The following TYW1B variants were observed in gnomAD, a reference collection of about 807,000 sequenced individuals.
TYW1B encodes tRNA-yW synthesizing protein 1 homolog B.
Under a neutral mutation model 86.9 loss-of-function variants are expected in TYW1B, and 73 were observed. That is an observed-to-expected ratio of 0.84 (90% CI 0.70 to 1.02). The LOEUF is 1.02. Ranked by LOEUF, TYW1B falls within the 50% of genes least tolerant of loss-of-function variation. The pLI is 0.00. For missense variants in TYW1B, 637 were observed against 827.4 expected (o/e 0.77, Z 2.82); for synonymous variants, 248 against 292.8 (o/e 0.85, Z 1.56).
At chr7:72,702,971 C>CATCT (rs1319459867) in intron 10 of TYW1B, among the ~76,000 whole-genome samples, 63 of 37,734 alleles carry the variant, frequency 1.7e-3, no homozygotes, top group East Asian at 4.9e-3. Flanking sequence ...TATCATCATT[C>CATCT]ATCTATCTAT....
At chr7:72,664,696 C>T (rs1554444987) in intron 11 of TYW1B, among the ~76,000 whole-genome samples, 2 of 151,994 alleles carry the variant, frequency 1.3e-5, no homozygotes, top group African/African-American at 4.8e-5. Flanking sequence ...CAACGAATTC[C>T]CACGACACAA....
intron 11 of TYW1B, among the ~76,000 whole-genome samples, chr7:72,674,927 G>A (rs1366192103): frequency 6.6e-6 from 1 of 151,692 alleles, no homozygotes; most frequent in African/African-American, 2.4e-5. Context: ...CTTAGAAACG[G>A]ATTTCTAGCC....
intron 13 of TYW1B, among the ~76,000 whole-genome samples, chr7:72,588,820 T>TC (rs1811333138): frequency 6.6e-6 from 1 of 152,110 alleles, no homozygotes; most frequent in Non-Finnish European, 1.5e-5. Flanking sequence ...CTTGCACTTT[T>TC]TTTTTTTTTT....
chr7:72,762,549 C>G (rs1363677341), intron 7 of TYW1B, among the ~76,000 whole-genome samples: 1 of 152,170 alleles, frequency 6.6e-6, no homozygotes, highest in African/African-American at 2.4e-5. Flanking sequence ...TAATTTGATT[C>G]TGTACTCTTG....
chr7:72,608,206 G>C (rs370601813), intron 13 of TYW1B, among the ~76,000 whole-genome samples: 1 of 152,214 alleles, frequency 6.6e-6, no homozygotes, highest in East Asian at 1.9e-4. Flanking sequence ...AGATGGGGAA[G>C]ATTCCAAAGG....
chr7:72,757,793 T>C (rs901392539), intron 7 of TYW1B, among the ~76,000 whole-genome samples: 1 of 152,186 alleles, frequency 6.6e-6, no homozygotes, highest in South Asian at 2.1e-4. Context: ...ATCACAACCT[T>C]ACACAGAAAT....
chr7:72,672,078 C>T (rs1813620569), intron 11 of TYW1B, among the ~76,000 whole-genome samples: 1 of 151,946 alleles, frequency 6.6e-6, no homozygotes, highest in Admixed American at 6.6e-5. Flanking sequence ...CCATGCTGTT[C>T]TCGTGATAGT....
At chr7:72,616,966 A>G in intron 12 of TYW1B, 127 bp from the exon 13 acceptor site, 1 of 1,255,422 alleles carries the variant, frequency 8.0e-7, no homozygotes, top group East Asian at 2.5e-5. Context: ...CAGTGAAGGA[A>G]GTGAATATAG....
At chr7:72,756,276 C>A (rs927599723) in intron 7 of TYW1B, among the ~76,000 whole-genome samples, 11 of 149,448 alleles carry the variant, frequency 7.4e-5, no homozygotes, top group Non-Finnish European at 1.5e-4. Flanking sequence ...GCTCTGTCGC[C>A]CAGTCTGGAA....
chr7:72,720,342 T>C (rs539481584), intron 9 of TYW1B, among the ~76,000 whole-genome samples: 116 of 152,036 alleles, frequency 7.6e-4, no homozygotes, highest in Non-Finnish European at 1.0e-3. Context: ...CAACAAAGGG[T>C]ACTACCACAG....
intron 13 of TYW1B, among the ~76,000 whole-genome samples, chr7:72,606,869 G>A (rs569304196): frequency 3.9e-5 from 6 of 152,172 alleles, no homozygotes; most frequent in Non-Finnish European, 7.4e-5. Flanking sequence ...AAAGGAGGCC[G>A]GCTAAGACAG....
intron 3 of TYW1B, among the ~76,000 whole-genome samples, chr7:72,815,147 T>G (rs1384854843): frequency 2.6e-5 from 4 of 151,324 alleles, no homozygotes; most frequent in Non-Finnish European, 5.9e-5. Flanking sequence ...CCTCTAGTCC[T>G]GCCCCAGGAG....
chr7:72,603,190 G>T (rs1310001915), intron 13 of TYW1B, among the ~76,000 whole-genome samples: 4 of 150,580 alleles, frequency 2.7e-5, no homozygotes, highest in Non-Finnish European at 4.4e-5. Context: ...ATAGATGGAT[G>T]AACAGACAGA....
chr7:72,780,830 C>T (rs1190332527), intron 6 of TYW1B, among the ~76,000 whole-genome samples: 1 of 152,058 alleles, frequency 6.6e-6, no homozygotes, highest in Non-Finnish European at 1.5e-5. Context: ...TTATAACACT[C>T]CGCAAGGGAG....
intron 7 of TYW1B, among the ~76,000 whole-genome samples, chr7:72,758,265 T>A (rs782430950): frequency 6.6e-6 from 1 of 151,970 alleles, no homozygotes; most frequent in Non-Finnish European, 1.5e-5. Context: ...TAGTTCCAGC[T>A]ATTTGAGGGG....
rs1314295831 is a variant in TYW1B at position 72,628,578 on chromosome 7, C to G, written c.1617+309G>C. 3.3e-5 allele frequency among the ~76,000 whole-genome samples: 5 copies of G among 152,208 alleles called. 2 individuals carry two copies. The highest frequency in any genetic ancestry group is 3.3e-4 in the Admixed American group (5 of 15,278). On this transcript the variant is annotated intron_variant, in intron 12 of 13. Coordinates refer to ENST00000620995, the MANE Select transcript of TYW1B (RefSeq NM_001145440.3). ...GTAAAAGTCAACCAATTACTCACCA[C>G]CACACTATTTTATTTCTCAGCATAT...
At chr7:72,790,558 G>A (rs1563094976) in intron 6 of TYW1B, among the ~76,000 whole-genome samples, 1 of 152,198 alleles carries the variant, frequency 6.6e-6, no homozygotes, top group Non-Finnish European at 1.5e-5. Flanking sequence ...CTGCCCAGCA[G>A]CTGCACTTGA....
At chr7:72,818,625 G>C (rs1319632188) in intron 2 of TYW1B, among the ~76,000 whole-genome samples, 5 of 149,810 alleles carry the variant, frequency 3.3e-5, no homozygotes, top group Admixed American at 6.7e-5. Flanking sequence ...ACTTGAGACT[G>C]GGCAATTTAT....
intron 10 of TYW1B, among the ~76,000 whole-genome samples, chr7:72,702,773 A>T (rs1814504443): frequency 6.6e-6 from 1 of 152,000 alleles, no homozygotes; most frequent in South Asian, 2.1e-4. Flanking sequence ...CTGAGATGCA[A>T]CCATTTTTTC....
Sources: allele counts gnomAD v4.1 joint callset (sites outside exome capture counted in the v4.1 genomes callset), GRCh38; gene constraint gnomAD v4.1.1; transcripts MANE v1.5; gene names NCBI Gene and HGNC (gene_info 2026-07-23, HGNC 2026-07-21).